Variants in AIG1 observed in about 807,000 individuals in gnomAD.
AIG1 encodes androgen-induced gene 1 protein.
A neutral mutation model predicts 31.4 loss-of-function variants in AIG1; 23 were observed. The observed-to-expected ratio is 0.73, with a 90% CI of 0.53 to 1.04. AIG1 has a LOEUF of 1.04. Among genes scored for constraint, AIG1 ranks in the 50% least tolerant of loss-of-function variants. The pLI is 0.00. For missense variants in AIG1, 274 were observed against 295.0 expected, an observed-to-expected ratio of 0.93 and a Z score of 0.52; for synonymous variants, 100 against 110.5, an observed-to-expected ratio of 0.90 and a Z score of 0.60.
intron 1 of AIG1, among the ~76,000 whole-genome samples, chr6:143,132,126 T>C (rs971205287): frequency 1.3e-5 from 2 of 152,234 alleles, no homozygotes; most frequent in African/African-American, 4.8e-5. Context: ...AAAATAGTTA[T>C]ATTTTTGCTG....
rs1281096868 is a variant in AIG1, at chr6:143,331,131, C to A, written c.516-2151C>A. Among the ~76,000 whole-genome samples the A allele has an allele frequency of 1.3e-5, 2 of 151,904 alleles. No individual in the cohort carries two copies. Among genetic ancestry groups the A allele is most frequent in the African/African-American group, 4.8e-5 (2 of 41,352 alleles). The stretch of plus-strand genomic sequence containing the variant: ...TTACTACTTCCCTCTACCAAGGAAC[C>A]TTTGTAGACCTGTTTTTTTTTTCCT... On this transcript the variant is annotated intron_variant, in intron 4 of 5. Coordinates refer to ENST00000357847, the MANE Select transcript of AIG1 (RefSeq NM_016108.4). The surrounding 1 kb of genome is among the most constrained non-coding windows in gnomAD (Gnocchi z 4.1).
chr6:143,061,383 A>G (rs1400068391), intron 1 of AIG1: 3 of 461,910 alleles, frequency 6.5e-6, no homozygotes, highest in Non-Finnish European at 1.2e-5. Context: ...AAGAGGTGAC[A>G]CGGGAAGAAT....
At chr6:143,197,758 G>C (rs927511322) in intron 3 of AIG1, among the ~76,000 whole-genome samples, 2 of 152,172 alleles carry the variant, frequency 1.3e-5, no homozygotes, top group Non-Finnish European at 2.9e-5. Context: ...TGTAGGTCAG[G>C]AACATCTGTT....
At chr6:143,308,563 G>A (rs1212765396) in intron 4 of AIG1, among the ~76,000 whole-genome samples, 5 of 152,210 alleles carry the variant, frequency 3.3e-5, no homozygotes, top group Admixed American at 1.3e-4. Flanking sequence ...AGCAGCATGT[G>A]GGGGCTTTGT....
rs534279049 is a variant in AIG1 at position 143,238,501 on chromosome 6, A to G, written c.400-45609A>G. Among the ~76,000 whole-genome samples, 8 of 152,344 alleles carry G rather than the reference A, an allele frequency of 5.3e-5. No individual in the cohort carries two copies. The South Asian group carries it at 1.4e-3, about 28-fold the overall frequency. The stretch of plus-strand genomic sequence containing the variant: ...ATCTCATTGGCTACAACTGGGTCAT[A>G]TGTTGAGCCTAAGCCAATCATAACT... On this transcript the variant is annotated intron_variant, in intron 3 of 5. Coordinates refer to ENST00000357847, the MANE Select transcript of AIG1 (RefSeq NM_016108.4).
In AIG1 at chr6:143,249,751, C is replaced by A. The variant is rs567461995; in HGVS notation, c.400-34359C>A. Among the ~76,000 whole-genome samples, 4 of 152,282 alleles carry A rather than the reference C, an allele frequency of 2.6e-5. No homozygotes were observed. In the East Asian group the frequency reaches 5.8e-4, roughly 22 times the overall value. ...TCCTTCTTGTGTCTTTTGCTTCAAC[C>A]CCCCCTATGTTTGCTGATGCCCTAT... On this transcript the variant is annotated intron_variant, in intron 3 of 5. Transcript: ENST00000357847.
rs145636320 is a variant in AIG1, at chr6:143,315,753, A to C, written c.516-17529A>C. ...AATATAAGGAATTTGAATTTGACAT[A>C]GAATTTTTAGATACAACACCAAAGG... On this transcript the variant is annotated intron_variant, in intron 4 of 5. Transcript: ENST00000357847. Among the ~76,000 whole-genome samples the C allele has an allele frequency of 9.1e-3, 1,390 of 152,278 alleles. 14 individuals carry two copies. Among genetic ancestry groups the C allele is most frequent in the African/African-American group, 0.032 (1,339 of 41,556 alleles).
chr6:143,118,470 A>C (rs190000143), intron 1 of AIG1, among the ~76,000 whole-genome samples: 2 of 152,302 alleles, frequency 1.3e-5, no homozygotes, highest in Admixed American at 6.5e-5. Context: ...AAAAAAAAAA[A>C]AAATCACTAA....
intron 1 of AIG1, among the ~76,000 whole-genome samples, chr6:143,076,199 A>G (rs1225702386): frequency 2.0e-5 from 3 of 152,172 alleles, no homozygotes; most frequent in Admixed American, 2.0e-4. Context: ...TCTATTTCCT[A>G]ATTCAGTTTT....
At chr6:143,065,318 T>TTTAC (rs1776596985) in intron 1 of AIG1, among the ~76,000 whole-genome samples, 1 of 152,206 alleles carries the variant, frequency 6.6e-6, no homozygotes, top group African/African-American at 2.4e-5. Context: ...CTATGAAGTA[T>TTTAC]TTCAGAGACT....
intron 3 of AIG1, among the ~76,000 whole-genome samples, chr6:143,265,336 T>C (rs1796083320): frequency 6.6e-6 from 1 of 152,232 alleles, no homozygotes. Context: ...ATAATCGTCA[T>C]GAAAGCATTT....
At chr6:143,148,745 GC>G (rs1220603197) in intron 2 of AIG1, among the ~76,000 whole-genome samples, 1 of 151,850 alleles carries the variant, frequency 6.6e-6, no homozygotes, top group Admixed American at 6.6e-5. Flanking sequence ...GATTGCTTGA[GC>G]CTAGAGATTC....
At chr6:143,285,563 T>G (rs1797629805) in intron 4 of AIG1, among the ~76,000 whole-genome samples, 1 of 151,716 alleles carries the variant, frequency 6.6e-6, no homozygotes, top group Admixed American at 6.6e-5. Flanking sequence ...CTCGGGAGGC[T>G]GAGGTGTTAA....
chr6:143,136,738 T>C (rs1783789442), intron 1 of AIG1, 97 bp from the exon 2 acceptor site: 1 of 1,117,106 alleles, frequency 9.0e-7, no homozygotes, highest in Non-Finnish European at 1.2e-6. Context: ...GATCCTTTCT[T>C]ATTAGATGTC....
At chr6:143,289,577 T>A (rs1195088329) in intron 4 of AIG1, among the ~76,000 whole-genome samples, 4 of 152,322 alleles carry the variant, frequency 2.6e-5, no homozygotes, top group Non-Finnish European at 5.9e-5. Flanking sequence ...CATTCTTTTA[T>A]GATCATTCCT....
chr6:143,158,490 G>A (rs1786015080), intron 2 of AIG1, among the ~76,000 whole-genome samples: 1 of 152,216 alleles, frequency 6.6e-6, no homozygotes, highest in South Asian at 2.1e-4. Context: ...CTTTTAAAGA[G>A]TGATGTTTGG....
chr6:143,300,065 C>A (rs542686290), intron 4 of AIG1, among the ~76,000 whole-genome samples: 1 of 152,270 alleles, frequency 6.6e-6, no homozygotes, highest in African/African-American at 2.4e-5. Flanking sequence ...TGGCATGATG[C>A]CTGCTGCCTA....
intron 3 of AIG1, among the ~76,000 whole-genome samples, chr6:143,206,693 G>A (rs769721539): frequency 6.6e-6 from 1 of 152,136 alleles, no homozygotes; most frequent in East Asian, 1.9e-4. Context: ...AAACAAAAAA[G>A]CATAGAGGTC....
intron 4 of AIG1, among the ~76,000 whole-genome samples, chr6:143,285,540 G>A (rs1291451658): frequency 6.6e-6 from 1 of 151,626 alleles, no homozygotes; most frequent in African/African-American, 2.4e-5. Context: ...GTGGGCGCCT[G>A]TAATCCCACC....
Sources: gnomAD v4.1 joint callset for allele counts (sites outside exome capture counted in the v4.1 genomes callset) on GRCh38, gnomAD v4.1.1 for gene constraint, Gnocchi (gnomAD v3.1) non-coding constraint, MANE v1.5 for transcripts, NCBI Gene and HGNC (gene_info 2026-07-23, HGNC 2026-07-21) for gene names.